The following GABRB2 variants were observed in gnomAD, a reference collection of about 807,000 sequenced individuals.
GABRB2 encodes the protein gamma-aminobutyric acid receptor subunit beta-2.
In GABRB2, 16 loss-of-function variants were observed where a neutral mutation model predicts 54.7. The observed-to-expected ratio is 0.29, with a 90% CI of 0.20 to 0.44. The LOEUF (loss-of-function observed/expected upper bound fraction) is 0.44. GABRB2 is among the 20% of genes least tolerant of loss of function. The probability of loss-of-function intolerance (pLI) is 1.00; values close to 1 mark genes in which losing one functional copy is unlikely to be tolerated. For missense variants in GABRB2, 355 were observed against 644.0 expected (o/e 0.55, Z 4.86); for synonymous variants, 244 against 233.8 (o/e 1.04, Z -0.40).
At chr5:161,396,410 T>C (rs1199425104) in intron 5 of GABRB2, among the ~76,000 whole-genome samples, 2 of 152,212 alleles carry the variant, frequency 1.3e-5, no homozygotes, top group Non-Finnish European at 2.9e-5. Context: ...GAAAAATGGA[T>C]ACAGCATTCT....
At chr5:161,389,918 A>G (rs1755766989) in intron 5 of GABRB2, among the ~76,000 whole-genome samples, 1 of 151,982 alleles carries the variant, frequency 6.6e-6, no homozygotes, top group Non-Finnish European at 1.5e-5. Flanking sequence ...TAAATTTTTC[A>G]TGAGTTTAAA....
At chr5:161,512,672 T>C (rs879562608) in intron 3 of GABRB2, among the ~76,000 whole-genome samples, 5 of 152,096 alleles carry the variant, frequency 3.3e-5, no homozygotes, top group Non-Finnish European at 7.4e-5. Flanking sequence ...AATTTATGAC[T>C]AAGTCCCCAA....
chr5:161,525,908 G>A (rs1461529578), intron 3 of GABRB2, among the ~76,000 whole-genome samples: 1 of 151,226 alleles, frequency 6.6e-6, no homozygotes, highest in Non-Finnish European at 1.5e-5. Flanking sequence ...GTGTAGAGGT[G>A]AGTGTACACA....
chr5:161,361,909 G>A (rs1391954517), intron 5 of GABRB2, among the ~76,000 whole-genome samples: 2 of 152,136 alleles, frequency 1.3e-5, no homozygotes, highest in African/African-American at 2.4e-5. Context: ...ATGGTTTTAG[G>A]TCTTACATTT....
At chr5:161,404,940 T>G (rs1694444696) in intron 5 of GABRB2, among the ~76,000 whole-genome samples, 1 of 152,124 alleles carries the variant, frequency 6.6e-6, no homozygotes, top group South Asian at 2.1e-4. Flanking sequence ...AATAATTCCT[T>G]TATTCCCAGC....
At chr5:161,462,697 G>C (rs1758149401) in intron 3 of GABRB2, among the ~76,000 whole-genome samples, 1 of 152,140 alleles carries the variant, frequency 6.6e-6, no homozygotes, top group Non-Finnish European at 1.5e-5. Flanking sequence ...TTGTCAGCAA[G>C]GCAGTGCCTG....
chr5:161,524,200 G>A (rs2113438617), intron 3 of GABRB2, among the ~76,000 whole-genome samples: 1 of 151,390 alleles, frequency 6.6e-6, no homozygotes, highest in South Asian at 2.1e-4. Flanking sequence ...TTACATTAAT[G>A]TAAACATTAA....
chr5:161,491,934 C>T (rs183139890), intron 3 of GABRB2, among the ~76,000 whole-genome samples: 24 of 151,640 alleles, frequency 1.6e-4, no homozygotes, highest in Middle Eastern at 6.8e-3. Flanking sequence ...ACCTTAATAG[C>T]ATCATGTGAA....
At chr5:161,495,990 G>T (rs1759229674) in intron 3 of GABRB2, among the ~76,000 whole-genome samples, 2 of 152,138 alleles carry the variant, frequency 1.3e-5, no homozygotes, top group Non-Finnish European at 2.9e-5. Flanking sequence ...CAGGAATGTT[G>T]CTATAACCCA....
intron 5 of GABRB2, among the ~76,000 whole-genome samples, chr5:161,372,686 T>C (rs988895840): frequency 2.0e-5 from 3 of 152,210 alleles, no homozygotes; most frequent in Admixed American, 2.0e-4. Context: ...ATGCTTACTC[T>C]GTTCCAGACA....
intron 5 of GABRB2, among the ~76,000 whole-genome samples, chr5:161,380,402 T>C (rs979731843): frequency 1.3e-5 from 2 of 152,160 alleles, no homozygotes; most frequent in Non-Finnish European, 2.9e-5. Context: ...ACAAAAATTA[T>C]GGACTTTACA....
At chr5:161,388,532 T>C (rs981132617) in intron 5 of GABRB2, among the ~76,000 whole-genome samples, 3 of 152,048 alleles carry the variant, frequency 2.0e-5, no homozygotes, top group South Asian at 2.1e-4. Flanking sequence ...ACCTAGAAGA[T>C]GGATAATATG....
At chr5:161,425,326 T>C (rs900076532) in intron 4 of GABRB2, among the ~76,000 whole-genome samples, 5 of 152,060 alleles carry the variant, frequency 3.3e-5, no homozygotes, top group Non-Finnish European at 7.4e-5. Context: ...TCAATAAATA[T>C]GACAAACTTC....
chr5:161,312,515 A>G (rs1580970296), intron 9 of GABRB2, among the ~76,000 whole-genome samples: 1 of 152,174 alleles, frequency 6.6e-6, no homozygotes, highest in South Asian at 2.1e-4. Context: ...TCTGGGTCAA[A>G]TATTGAAAAC....
intron 5 of GABRB2, among the ~76,000 whole-genome samples, chr5:161,371,499 TG>T (rs547524439): frequency 0.018 from 2,673 of 152,248 alleles, 38 homozygotes; most frequent in Non-Finnish European, 0.029. Flanking sequence ...AAAGTGCTGA[TG>T]GGATGATACA....
intron 4 of GABRB2, among the ~76,000 whole-genome samples, chr5:161,415,117 C>T (rs986027523): frequency 6.6e-6 from 1 of 152,198 alleles, no homozygotes; most frequent in Non-Finnish European, 1.5e-5. Context: ...TACTAGGTGT[C>T]TTTGAAGTGA....
chr5:161,381,779 T>C (rs1190619260), intron 5 of GABRB2, among the ~76,000 whole-genome samples: 1 of 152,170 alleles, frequency 6.6e-6, no homozygotes, highest in Non-Finnish European at 1.5e-5. Context: ...TCAAATCCAG[T>C]CTCTGCTATC....
At chr5:161,305,446 T>C (rs1757662937) in intron 9 of GABRB2, among the ~76,000 whole-genome samples, 1 of 152,220 alleles carries the variant, frequency 6.6e-6, no homozygotes, top group African/African-American at 2.4e-5. Flanking sequence ...AATCCTATTT[T>C]TGACAAGTTT....
intron 9 of GABRB2, among the ~76,000 whole-genome samples, chr5:161,306,866 T>C (rs917327084): frequency 6.6e-6 from 1 of 151,988 alleles, no homozygotes; most frequent in African/African-American, 2.4e-5. Context: ...TCAAAATAAC[T>C]CAGTGTATGC....
Sources: gnomAD v4.1 joint callset for allele counts (sites outside exome capture counted in the v4.1 genomes callset) on GRCh38, gnomAD v4.1.1 for gene constraint, MANE v1.5 for transcripts, NCBI Gene and HGNC (gene_info 2026-07-23, HGNC 2026-07-21) for gene names.